The following FOXN3 variants were observed in gnomAD, a reference collection of about 807,000 sequenced individuals.
FOXN3 encodes forkhead box protein N3.
A neutral mutation model predicts 38.4 loss-of-function variants in FOXN3; 7 were observed. That is an observed-to-expected ratio of 0.18 (90% CI 0.10 to 0.34). The LOEUF (loss-of-function observed/expected upper bound fraction) is 0.34, where lower values mean the gene tolerates loss of function less well. Ranked by LOEUF, FOXN3 falls within the 10% of genes least tolerant of loss-of-function variation. FOXN3 has a pLI of 1.00. For missense variants in FOXN3, 456 were observed against 613.4 expected (o/e 0.74, Z 2.71); for synonymous variants, 230 against 242.2 (o/e 0.95, Z 0.47).
chr14:89,413,779 A>G lies in FOXN3; in HGVS notation c.-14-1289T>C, dbSNP rs548282529. Reference sequence around the variant, plus strand: ...GAAGAAGGGAAAGAAGAAGGAAAAAAAGAAGGGAAGGGAAAGAAGAAAGGA... The same window carrying G: ...GAAGAAGGGAAAGAAGAAGGAAAAAGAGAAGGGAAGGGAAAGAAGAAAGGA... On this transcript the variant is annotated intron_variant, in intron 1 of 5. Coordinates refer to ENST00000557258, the MANE Select transcript of FOXN3 (RefSeq NM_005197.4). 6.9e-5 allele frequency among the ~76,000 whole-genome samples: 10 copies of G among 145,632 alleles called. No homozygotes were observed. In the South Asian group the frequency reaches 2.1e-3, roughly 30 times the overall value.
intron 1 of FOXN3, among the ~76,000 whole-genome samples, chr14:89,475,896 A>C (rs1893200033): frequency 6.6e-6 from 1 of 152,290 alleles, no homozygotes; most frequent in South Asian, 2.1e-4. Flanking sequence ...TCAATACACA[A>C]GATCCAACAA....
chr14:89,282,821 C>A (rs1308426191), intron 3 of FOXN3, among the ~76,000 whole-genome samples: 1 of 152,156 alleles, frequency 6.6e-6, no homozygotes, highest in Non-Finnish European at 1.5e-5. Context: ...AGGGATGGAG[C>A]ACTATGGGGA....
chr14:89,396,724 T>C (rs924764496), intron 2 of FOXN3, among the ~76,000 whole-genome samples: 12 of 150,878 alleles, frequency 8.0e-5, no homozygotes, highest in African/African-American at 2.7e-4. Context: ...CCCAGCTACT[T>C]GGGAGGCTGA....
intron 1 of FOXN3, among the ~76,000 whole-genome samples, chr14:89,488,847 T>C (rs1441954512): frequency 1.3e-5 from 2 of 152,154 alleles, no homozygotes; most frequent in African/African-American, 4.8e-5. Context: ...CGACAGCCCC[T>C]GAGGACATCT....
At position 89,522,812 on chromosome 14, in the gene FOXN3, T is replaced by C. The variant is rs61996499; in HGVS notation, c.-15+96216A>G. Reference sequence around the variant, plus strand: ...AAAAGGAGGCAGAAAAAAAAAGCAATTGAGCCAATATAAAACAAATAACAA... The same window carrying C: ...AAAAGGAGGCAGAAAAAAAAAGCAACTGAGCCAATATAAAACAAATAACAA... On this transcript the variant is annotated intron_variant, in intron 1 of 6. Transcript: ENST00000345097. Among the ~76,000 whole-genome samples the C allele has an allele frequency of 5.4e-5, 8 of 148,328 alleles. No homozygotes were observed. The East Asian group carries it at 1.4e-3, about 26-fold the overall frequency.
intron 1 of FOXN3, among the ~76,000 whole-genome samples, chr14:89,424,902 A>G (rs1891989784): frequency 1.3e-5 from 2 of 152,054 alleles, no homozygotes; most frequent in African/African-American, 4.8e-5. Context: ...ATCTGTGCCC[A>G]GCTGAGTTAC....
intron 3 of FOXN3, among the ~76,000 whole-genome samples, chr14:89,322,868 A>G (rs989191788): frequency 6.6e-6 from 1 of 152,310 alleles, no homozygotes. Flanking sequence ...GGACTGTTCC[A>G]AAGCCTAAGG....
At chr14:89,274,826 G>T (rs1416588599) in intron 4 of FOXN3, among the ~76,000 whole-genome samples, 2 of 152,192 alleles carry the variant, frequency 1.3e-5, no homozygotes, top group East Asian at 3.8e-4. Flanking sequence ...TCAGATTTAT[G>T]TATACATCCA....
chr14:89,298,531 C>T (rs1048304618), intron 3 of FOXN3, among the ~76,000 whole-genome samples: 1 of 148,460 alleles, frequency 6.7e-6, no homozygotes, highest in Non-Finnish European at 1.5e-5. Context: ...TCTTTTACCA[C>T]AATTTAATAA....
intron 4 of FOXN3, among the ~76,000 whole-genome samples, chr14:89,193,483 A>G (rs1391527943): frequency 6.6e-6 from 1 of 152,102 alleles, no homozygotes; most frequent in Non-Finnish European, 1.5e-5. Flanking sequence ...CCCAAGGCAC[A>G]CTTGTGGGGG....
chr14:89,586,681 T>C (rs1341106735), intron 1 of FOXN3, among the ~76,000 whole-genome samples: 1 of 152,188 alleles, frequency 6.6e-6, no homozygotes, highest in African/African-American at 2.4e-5. Context: ...TGCGGGCAGG[T>C]AGATTTAAAC....
intron 1 of FOXN3, among the ~76,000 whole-genome samples, chr14:89,436,421 G>A (rs756703675): frequency 1.9e-4 from 29 of 152,084 alleles, no homozygotes; most frequent in Non-Finnish European, 3.5e-4. Context: ...ACAAAGTGAC[G>A]TAGGGTCACA....
intron 1 of FOXN3, among the ~76,000 whole-genome samples, chr14:89,604,257 G>A (rs28575629): frequency 0.051 from 2,722 of 53,130 alleles, 94 homozygotes; most frequent in African/African-American, 0.18. Context: ...GCACACACAC[G>A]CGCGCGCACA....
chr14:89,326,502 T>A (rs1052424502), intron 3 of FOXN3, among the ~76,000 whole-genome samples: 5 of 151,968 alleles, frequency 3.3e-5, no homozygotes, highest in African/African-American at 1.2e-4. Context: ...TCATCAAGAG[T>A]GGTGCACACA....
chr14:89,187,159 G>A (rs923714565), intron 4 of FOXN3, among the ~76,000 whole-genome samples: 1 of 152,216 alleles, frequency 6.6e-6, no homozygotes, highest in African/African-American at 2.4e-5. Context: ...GCCTCTATCT[G>A]CTGGGAGCAG....
chr14:89,194,955 A>AT (rs1566926247), intron 4 of FOXN3, among the ~76,000 whole-genome samples: 1 of 152,098 alleles, frequency 6.6e-6, no homozygotes, highest in African/African-American at 2.4e-5. Context: ...GCAACTTAAA[A>AT]TTTTTTTCAC....
At chr14:89,334,777 C>G (rs1161633427) in intron 3 of FOXN3, among the ~76,000 whole-genome samples, 1 of 145,980 alleles carries the variant, frequency 6.9e-6, no homozygotes, top group Non-Finnish European at 1.5e-5. Flanking sequence ...GAATCTTGCT[C>G]CTTGTTTTGA....
intron 4 of FOXN3, among the ~76,000 whole-genome samples, chr14:89,202,434 T>C (rs959517705): frequency 6.6e-6 from 1 of 152,242 alleles, no homozygotes; most frequent in Non-Finnish European, 1.5e-5. Context: ...ACAAAAGGTT[T>C]TGCCTTTTGA....
At chr14:89,479,177 C>G (rs1893274046) in intron 1 of FOXN3, among the ~76,000 whole-genome samples, 1 of 152,118 alleles carries the variant, frequency 6.6e-6, no homozygotes, top group Non-Finnish European at 1.5e-5. Context: ...TTAAAACCCA[C>G]CCTGCCACAA....
Sources: gnomAD v4.1 joint callset for allele counts (sites outside exome capture counted in the v4.1 genomes callset) on GRCh38, gnomAD v4.1.1 for gene constraint, MANE v1.5 for transcripts, NCBI Gene and HGNC (gene_info 2026-07-23, HGNC 2026-07-21) for gene names.